DCAF5: variants seen among roughly 807,000 people sequenced by gnomAD.
The protein encoded by DCAF5 is DDB1- and CUL4-associated factor 5.
A neutral mutation model predicts 80.7 loss-of-function variants in DCAF5; 9 were observed. The ratio of observed to expected loss-of-function variants is 0.11; its 90% CI spans 0.07 to 0.19. The LOEUF is 0.19. DCAF5 is among the 10% of genes least tolerant of loss of function. The probability of loss-of-function intolerance (pLI) is 1.00; values close to 1 mark genes in which losing one functional copy is unlikely to be tolerated. For synonymous variants in DCAF5, 433 were observed against 461.9 expected, an observed-to-expected ratio of 0.94 and a Z score of 0.80; for missense variants, 842 against 1,205.7, an observed-to-expected ratio of 0.70 and a Z score of 4.47.
At chr14:69,081,906 T>C (rs2039119308) in intron 6 of DCAF5, among the ~76,000 whole-genome samples, 1 of 152,210 alleles carries the variant, frequency 6.6e-6, no homozygotes. Context: ...GCTCCTTCCA[T>C]AGTAATTGAT....
chr14:69,144,441 G>A (rs1274421769), intron 1 of DCAF5, among the ~76,000 whole-genome samples: 1 of 151,822 alleles, frequency 6.6e-6, no homozygotes, highest in Non-Finnish European at 1.5e-5. Context: ...GCGTGGTGGC[G>A]GGTGCCTGTA....
At chr14:69,124,268 G>A (rs527660965) in intron 1 of DCAF5, among the ~76,000 whole-genome samples, 4 of 152,270 alleles carry the variant, frequency 2.6e-5, no homozygotes, top group Admixed American at 1.3e-4. Flanking sequence ...TGGCTATTGT[G>A]AATAATGTTG....
chr14:69,088,452 TC>T (rs2039421314), intron 6 of DCAF5, among the ~76,000 whole-genome samples: 1 of 152,210 alleles, frequency 6.6e-6, no homozygotes, highest in Non-Finnish European at 1.5e-5. Context: ...CACACTTTAT[TC>T]CCCAAGTCTA....
At chr14:69,099,162 G>C (rs2039856113) in intron 5 of DCAF5, among the ~76,000 whole-genome samples, 2 of 150,794 alleles carry the variant, frequency 1.3e-5, no homozygotes, top group Admixed American at 6.6e-5. Context: ...TGAGGCAAAA[G>C]AATCGCTTGA....
intron 1 of DCAF5, among the ~76,000 whole-genome samples, chr14:69,133,992 A>C (rs943370347): frequency 1.3e-5 from 2 of 152,222 alleles, no homozygotes; most frequent in Non-Finnish European, 2.9e-5. Context: ...CTAATTCCTG[A>C]TCAGAAACAG....
chr14:69,077,991 T>C (rs1022572537), intron 6 of DCAF5, among the ~76,000 whole-genome samples: 7 of 152,206 alleles, frequency 4.6e-5, no homozygotes, highest in African/African-American at 1.7e-4. Context: ...GTAAGGCTCA[T>C]TTAATTCTAA....
At chr14:69,081,113 C>T (rs188793541) in intron 6 of DCAF5, among the ~76,000 whole-genome samples, 35 of 152,182 alleles carry the variant, frequency 2.3e-4, no homozygotes, top group African/African-American at 7.9e-4. Context: ...ACTCACTTCG[C>T]ACAGCCTTTT....
At chr14:69,094,036 A>G (rs1370117774) in intron 5 of DCAF5, among the ~76,000 whole-genome samples, 1 of 152,200 alleles carries the variant, frequency 6.6e-6, no homozygotes, top group African/African-American at 2.4e-5. Flanking sequence ...CACTGAACTC[A>G]AAAACAATGA....
At chr14:69,096,275 T>C (rs2039710665) in intron 5 of DCAF5, among the ~76,000 whole-genome samples, 1 of 152,214 alleles carries the variant, frequency 6.6e-6, no homozygotes, top group Admixed American at 6.5e-5. Context: ...GTCCCAAGAC[T>C]GAAACCTCCA....
intron 5 of DCAF5, among the ~76,000 whole-genome samples, chr14:69,098,863 A>C (rs1437077220): frequency 2.1e-5 from 3 of 140,492 alleles, no homozygotes; most frequent in Non-Finnish European, 4.6e-5. Flanking sequence ...ACTGCACTCC[A>C]GCCTGGCCGA....
At chr14:69,130,438 C>T (rs573331274) in intron 1 of DCAF5, among the ~76,000 whole-genome samples, 2 of 152,070 alleles carry the variant, frequency 1.3e-5, no homozygotes, top group Admixed American at 6.5e-5. Context: ...AGAGGAATGG[C>T]GAGTCATAGT....
At chr14:69,083,344 G>A (rs1424815063) in intron 6 of DCAF5, 5 of 167,132 alleles carry the variant, frequency 3.0e-5, no homozygotes, top group East Asian at 3.2e-4. Flanking sequence ...GTTATATTCC[G>A]GAACTGAGTA....
At chr14:69,121,716 T>C (rs903678115) in intron 2 of DCAF5, among the ~76,000 whole-genome samples, 1 of 152,154 alleles carries the variant, frequency 6.6e-6, no homozygotes, top group African/African-American at 2.4e-5. Context: ...AGAAGGAGTA[T>C]GGTTGATGGA....
Position 69,084,735 on chromosome 14 carries a change from T to G in DCAF5, c.879+6939A>C, listed in dbSNP as rs1374154736. On this transcript the variant is annotated intron_variant, in intron 6 of 8. Transcript: ENST00000341516. ...CTGAACTACATTGATTTGCCCATCT[T>G]GGCCATTCATGGAAAGCAAAAGCAA... 15 of 1,246,172 alleles carry G rather than the reference T, an allele frequency of 1.2e-5. No individual in the cohort carries two copies. In the East Asian group the frequency reaches 3.5e-4, roughly 29 times the overall value. The allele number at this position is 1,246,172 out of a possible 1,614,324, so 77.2% of individuals were successfully genotyped here.
In DCAF5 at chr14:69,053,859, A is replaced by G; in HGVS notation, c.2827T>C (p.Ter943ArgextTer1). Residue 943 changes from the stop codon to arginine (R), a stop_lost, in exon 9 of 9, where the codon TGA becomes CGA. Transcript: ENST00000341516. ...NSSSEKKLKT[*>R] ...TTTTTGTTTTCCCTTTGTATTTATC[A>G]TGTTTTTAATTTCTTCTCTGAGGAG... 1.9e-6 allele frequency: 3 copies of G among 1,589,516 alleles called. No individual in the cohort carries two copies. The highest frequency in any genetic ancestry group is 1.2e-5 in the South Asian group (1 of 86,676).
Position 69,053,830 on chromosome 14 carries a change from T to G in DCAF5, c.*27A>C, listed in dbSNP as rs374913170. The stretch of plus-strand genomic sequence containing the variant: ...TTTTTTTTTTGTAAGGCTACTTTTG[T>G]AGCTTTTTGTTTTCCCTTTGTATTT... On this transcript the variant is annotated 3_prime_UTR_variant, in exon 9 of 9. Transcript: ENST00000341516. The G allele has an allele frequency of 9.0e-6, 14 of 1,558,720 alleles. No individual in the cohort carries two copies. The highest frequency in any genetic ancestry group is 1.2e-5 in the South Asian group (1 of 82,232).
intron 1 of DCAF5, among the ~76,000 whole-genome samples, chr14:69,149,280 A>G (rs1215769538): frequency 6.6e-6 from 1 of 152,256 alleles, no homozygotes; most frequent in Non-Finnish European, 1.5e-5. Context: ...CATATCTGCT[A>G]TACCACACTG....
chr14:69,099,045 G>A lies in DCAF5; in HGVS notation c.666-7158C>T, dbSNP rs574356725. 4.6e-5 allele frequency among the ~76,000 whole-genome samples: 7 copies of A among 152,120 alleles called. No homozygotes were observed. In the East Asian group the frequency reaches 1.4e-3, roughly 29 times the overall value. Reference sequence around the variant, plus strand: ...AGGTGGGCAGATCACGAGGTCAAGAGATCGAGACCATCCTGGCCAACATGG... The same window carrying A: ...AGGTGGGCAGATCACGAGGTCAAGAAATCGAGACCATCCTGGCCAACATGG... On this transcript the variant is annotated intron_variant, in intron 5 of 8. Transcript: ENST00000341516.
Position 69,084,318 on chromosome 14 carries a change from A to G in DCAF5, c.879+7356T>C, listed in dbSNP as rs564213644. On this transcript the variant is annotated intron_variant, in intron 6 of 8. Transcript: ENST00000341516. Reference sequence around the variant, plus strand: ...GTGGTCACACCAGGCTGTCTGCTGGACCATATGCAGAATATCCCAGGGTTT... The same window carrying G: ...GTGGTCACACCAGGCTGTCTGCTGGGCCATATGCAGAATATCCCAGGGTTT... 43 of 957,372 alleles carry G rather than the reference A, an allele frequency of 4.5e-5. No homozygotes were observed. The East Asian group carries it at 9.8e-4, about 22-fold the overall frequency. The allele number at this position is 957,372 out of a possible 1,614,324, so 59.3% of individuals were successfully genotyped here.
Sources: allele counts gnomAD v4.1 joint callset (sites outside exome capture counted in the v4.1 genomes callset), GRCh38; gene constraint gnomAD v4.1.1; transcripts MANE v1.5; gene names NCBI Gene and HGNC (gene_info 2026-07-23, HGNC 2026-07-21).